The following PLEKHA6 variants were observed in gnomAD, a reference collection of about 807,000 sequenced individuals.
PLEKHA6 encodes pleckstrin homology domain containing A6.
Under a neutral mutation model 116.7 loss-of-function variants are expected in PLEKHA6, and 60 were observed. The ratio of observed to expected loss-of-function variants is 0.51; its 90% CI spans 0.42 to 0.64. PLEKHA6 has a LOEUF of 0.64. PLEKHA6 is among the 30% of genes least tolerant of loss of function. The pLI is 0.00. For missense variants in PLEKHA6, 1,338 were observed against 1,422.7 expected (o/e 0.94, Z 0.96); for synonymous variants, 489 against 556.1 (o/e 0.88, Z 1.70).
chr1:204,310,668 A>G (rs746586527), intron 1 of PLEKHA6, among the ~76,000 whole-genome samples: 1 of 152,212 alleles, frequency 6.6e-6, no homozygotes, highest in Admixed American at 6.5e-5. Context: ...CTCAGCTCCT[A>G]TACAAATGCC....
At chr1:204,246,294 G>T (rs771864076) in intron 13 of PLEKHA6, among the ~76,000 whole-genome samples, 9 of 152,182 alleles carry the variant, frequency 5.9e-5, no homozygotes, top group Non-Finnish European at 1.0e-4. Context: ...GGAGATAAGG[G>T]CAGCAGCTAT....
Position 204,228,936 on chromosome 1 carries a change from C to T in PLEKHA6, c.2751+1G>A. 6 of 1,614,164 alleles carry T rather than the reference C, an allele frequency of 3.7e-6. No individual in the cohort carries two copies. Among genetic ancestry groups the T allele is most frequent in the Non-Finnish European group, 5.1e-6 (6 of 1,180,026 alleles). Reference sequence around the variant, plus strand: ...CTACAGCCCTTCCTGGCTCCACTCACCTCCTTATTGATGTCCACGTCATAA... The same window carrying T: ...CTACAGCCCTTCCTGGCTCCACTCATCTCCTTATTGATGTCCACGTCATAA... On this transcript the variant is annotated splice_donor_variant, in intron 19 of 22. Transcript: ENST00000272203. LOFTEE classifies it high-confidence loss of function. The surrounding 1 kb of genome is among the most constrained non-coding windows in gnomAD (Gnocchi z 4.0).
At chr1:204,249,044 C>A in intron 11 of PLEKHA6, 74 bp from the exon 12 acceptor site, 3 of 1,547,614 alleles carry the variant, frequency 1.9e-6, no homozygotes, top group Non-Finnish European at 2.7e-6. Flanking sequence ...GAGGCCTGAG[C>A]CCTTAGAGGT....
chr1:204,372,798 T>C (rs1236750476), intron 1 of PLEKHA6, among the ~76,000 whole-genome samples: 1 of 152,106 alleles, frequency 6.6e-6, no homozygotes, highest in Non-Finnish European at 1.5e-5. Context: ...CAGCAACTGA[T>C]TTGTTTTCTG....
At chr1:204,250,313 A>T (rs1302721672) in intron 10 of PLEKHA6, among the ~76,000 whole-genome samples, 1 of 152,126 alleles carries the variant, frequency 6.6e-6, no homozygotes, top group Non-Finnish European at 1.5e-5. Context: ...CATGGGAGGG[A>T]AGGGTGAGTG....
chr1:204,376,449 C>G (rs1390246845), intron 1 of PLEKHA6, among the ~76,000 whole-genome samples: 1 of 152,196 alleles, frequency 6.6e-6, no homozygotes, highest in Non-Finnish European at 1.5e-5. Context: ...GGGTCAAGAA[C>G]TTTAATGGAG....
chr1:204,322,631 G>T (rs1672104578), intron 1 of PLEKHA6, among the ~76,000 whole-genome samples: 1 of 152,178 alleles, frequency 6.6e-6, no homozygotes, highest in Non-Finnish European at 1.5e-5. Flanking sequence ...AGAGCTATCA[G>T]CCGCTGGGAT....
chr1:204,287,586 A>G (rs1003422769), intron 1 of PLEKHA6, among the ~76,000 whole-genome samples: 4 of 152,002 alleles, frequency 2.6e-5, no homozygotes, highest in African/African-American at 4.8e-5. Context: ...CACCCCCGCC[A>G]GGTTCTGTCT....
intron 3 of PLEKHA6, among the ~76,000 whole-genome samples, chr1:204,271,105 C>T (rs1006047734): frequency 1.3e-5 from 2 of 152,244 alleles, no homozygotes; most frequent in Non-Finnish European, 2.9e-5. Flanking sequence ...CCAACACAAA[C>T]TTTCTTAAAA....
intron 3 of PLEKHA6, among the ~76,000 whole-genome samples, chr1:204,367,285 A>G (rs1042267329): frequency 2.0e-5 from 3 of 152,214 alleles, no homozygotes; most frequent in African/African-American, 7.2e-5. Flanking sequence ...GGAGGAAAAT[A>G]GGGCATCTCC....
At chr1:204,310,859 T>G (rs747568594) in intron 1 of PLEKHA6, among the ~76,000 whole-genome samples, 1 of 152,112 alleles carries the variant, frequency 6.6e-6, no homozygotes, top group Non-Finnish European at 1.5e-5. Context: ...AAAGGACATT[T>G]AGGGAGAGAA....
Position 204,259,637 on chromosome 1 carries a change from C to A in PLEKHA6, c.628G>T (p.Glu210Ter). ...KPEPEAKTRG[E>*]GDGRGCEKAE... ...TTCTCACAGCCTCGGCCATCACCCT[C>A]CCCTCGAGTCTTGGCCTCTGGCTCA... Residue 210 changes from glutamate (E) to a stop codon, truncating the protein, a stop_gained, in exon 8 of 23, where the codon GAG becomes TAG. Transcript: ENST00000272203. LOFTEE classifies it high-confidence loss of function. This position sits in a 1 kb window ranked among gnomAD's most constrained non-coding sequence, Gnocchi z 4.6. 1 of 1,614,182 alleles carries A rather than the reference C, an allele frequency of 6.2e-7. No individual in the cohort carries two copies. The highest frequency in any genetic ancestry group is 8.5e-7 in the Non-Finnish European group (1 of 1,180,046).
intron 1 of PLEKHA6, among the ~76,000 whole-genome samples, chr1:204,298,324 T>G (rs906644603): frequency 6.6e-6 from 1 of 152,204 alleles, no homozygotes; most frequent in African/African-American, 2.4e-5. Flanking sequence ...TTAGAAACAA[T>G]GAGCTTTCCA....
chr1:204,274,100 AT>A (rs879943815), intron 2 of PLEKHA6, among the ~76,000 whole-genome samples: 74 of 146,280 alleles, frequency 5.1e-4, no homozygotes, highest in Admixed American at 7.5e-4. Flanking sequence ...TGCCTAGCTA[AT>A]TTTTTTTTTT....
upstream of PLEKHA6, among the ~76,000 whole-genome samples, chr1:204,361,273 G>A (rs1377058234): frequency 6.6e-6 from 1 of 152,194 alleles, no homozygotes; most frequent in Non-Finnish European, 1.5e-5. Flanking sequence ...GTCTCTCTTA[G>A]TGTGATCTGA....
chr1:204,267,377 G>T, intron 5 of PLEKHA6, 98 bp downstream of exon 5: 1 of 962,064 alleles, frequency 1.0e-6, no homozygotes. Context: ...TGCCCTGCTG[G>T]TGCCCATCCA....
upstream of PLEKHA6, among the ~76,000 whole-genome samples, chr1:204,361,683 C>T (rs1673563441): frequency 6.6e-6 from 1 of 152,214 alleles, no homozygotes; most frequent in African/African-American, 2.4e-5. Context: ...GATGAGGGCC[C>T]AGTGCCAGGC....
At chr1:204,245,562 G>T in intron 14 of PLEKHA6, 53 bp downstream of exon 14, 1 of 1,050,288 alleles carries the variant, frequency 9.5e-7, no homozygotes, top group South Asian at 1.3e-5. Context: ...AGAAATACTG[G>T]AGCACTCCTG....
At chr1:204,282,420 C>A (rs1668722738) in intron 1 of PLEKHA6, among the ~76,000 whole-genome samples, 1 of 152,154 alleles carries the variant, frequency 6.6e-6, no homozygotes, top group African/African-American at 2.4e-5. Context: ...AATACTGAAG[C>A]TCTTCCATGT....
Sources: allele counts gnomAD v4.1 joint callset (sites outside exome capture counted in the v4.1 genomes callset), GRCh38; gene constraint gnomAD v4.1.1; non-coding constraint Gnocchi (gnomAD v3.1); transcripts MANE v1.5; gene names NCBI Gene and HGNC (gene_info 2026-07-23, HGNC 2026-07-21).